The following MUSK variants were observed in gnomAD, a reference collection of about 807,000 sequenced individuals.
MUSK encodes the protein muscle associated receptor tyrosine kinase.
A neutral mutation model predicts 88.7 loss-of-function variants in MUSK; 55 were observed. The ratio of observed to expected loss-of-function variants is 0.62; its 90% CI spans 0.50 to 0.78. The LOEUF (loss-of-function observed/expected upper bound fraction) is 0.78, where lower values mean the gene tolerates loss of function less well. Among genes scored for constraint, MUSK ranks in the 30% least tolerant of loss-of-function variants. The pLI, the probability that MUSK is intolerant of heterozygous loss-of-function variation, is 0.00. For missense variants in MUSK, 1,015 were observed against 1,074.3 expected, an observed-to-expected ratio of 0.94 and a Z score of 0.77; for synonymous variants, 387 against 391.9, an observed-to-expected ratio of 0.99 and a Z score of 0.15.
chr9:110,751,114 A>AG (rs1012599576), intron 7 of MUSK, among the ~76,000 whole-genome samples: 3 of 152,194 alleles, frequency 2.0e-5, no homozygotes, highest in Non-Finnish European at 2.9e-5. Flanking sequence ...ACTCCACACA[A>AG]GGGAAGATTC....
At chr9:110,677,866 G>T (rs904274166) in intron 1 of MUSK, among the ~76,000 whole-genome samples, 3 of 152,190 alleles carry the variant, frequency 2.0e-5, no homozygotes, top group East Asian at 1.9e-4. Context: ...ACTGTGATAG[G>T]TATCTTTTAA....
intron 9 of MUSK, among the ~76,000 whole-genome samples, chr9:110,771,161 C>CTTTTTTTTTTTTT (rs34185224): frequency 2.1e-5 from 2 of 96,434 alleles, no homozygotes; most frequent in African/African-American, 4.1e-5. Flanking sequence ...TCATTTCCTT[C>CTTTTTTTTTTTTT]TTTTTTTTTT....
At chr9:110,730,201 T>C (rs2076945398) in intron 5 of MUSK, among the ~76,000 whole-genome samples, 1 of 129,904 alleles carries the variant, frequency 7.7e-6, no homozygotes, top group Non-Finnish European at 1.7e-5. Flanking sequence ...GAGTTAAATA[T>C]ATTACCTTGG....
chr9:110,739,002 T>C (rs1288390763), intron 6 of MUSK, among the ~76,000 whole-genome samples: 2 of 152,154 alleles, frequency 1.3e-5, no homozygotes, highest in Non-Finnish European at 2.9e-5. Context: ...CCCAATCAGA[T>C]CTTCTATAAA....
chr9:110,784,200 G>C (rs1290125777), intron 11 of MUSK, among the ~76,000 whole-genome samples: 1 of 151,978 alleles, frequency 6.6e-6, no homozygotes, highest in African/African-American at 2.4e-5. Context: ...GATTAATAAG[G>C]TTCTTTTAAT....
chr9:110,770,706 C>A (rs1469353600), intron 9 of MUSK, among the ~76,000 whole-genome samples: 3 of 149,854 alleles, frequency 2.0e-5, no homozygotes, highest in African/African-American at 7.4e-5. Flanking sequence ...TTATGTAGAT[C>A]TTGTATTATG....
intron 7 of MUSK, among the ~76,000 whole-genome samples, chr9:110,756,827 A>G (rs1402308270): frequency 6.6e-6 from 1 of 151,858 alleles, no homozygotes; most frequent in East Asian, 1.9e-4. Flanking sequence ...AATTCCAAGG[A>G]AAAATGTCAA....
intron 5 of MUSK, among the ~76,000 whole-genome samples, chr9:110,700,678 A>G (rs2076490660): frequency 6.6e-6 from 1 of 152,182 alleles, no homozygotes; most frequent in African/African-American, 2.4e-5. Flanking sequence ...CTGAGCTCAG[A>G]GAGAAGAAAA....
intron 1 of MUSK, among the ~76,000 whole-genome samples, chr9:110,675,285 G>A (rs546527575): frequency 1.4e-5 from 2 of 143,650 alleles, no homozygotes; most frequent in South Asian, 2.2e-4. Flanking sequence ...GCAGTGTCGC[G>A]ATCTCAGCTC....
intron 14 of MUSK, among the ~76,000 whole-genome samples, chr9:110,790,345 A>G (rs572036755): frequency 2.0e-5 from 3 of 152,368 alleles, no homozygotes; most frequent in Middle Eastern, 6.8e-3. Context: ...TTGTTTTGCC[A>G]TAAAGGTGAA....
intron 5 of MUSK, among the ~76,000 whole-genome samples, chr9:110,711,652 C>T (rs373217259): frequency 7.1e-4 from 108 of 152,082 alleles, no homozygotes; most frequent in African/African-American, 2.5e-3. Flanking sequence ...TTATAGAGAC[C>T]TCCAGTGGAA....
chr9:110,753,505 C>A (rs1564266869), intron 7 of MUSK, among the ~76,000 whole-genome samples: 1 of 151,670 alleles, frequency 6.6e-6, no homozygotes, highest in African/African-American at 2.4e-5. Context: ...TTGTATTTCC[C>A]ATTCTCAATG....
intron 1 of MUSK, among the ~76,000 whole-genome samples, chr9:110,681,067 AATATT>A (rs1187133948): frequency 1.5e-4 from 2 of 13,090 alleles, no homozygotes; most frequent in East Asian, 1.0e-3. Context: ...TTATATATAT[AATATT>A]ATATATATTA....
chr9:110,775,699 G>A (rs1315043605), intron 9 of MUSK, 89 bp from the exon 10 acceptor site: 1 of 1,226,612 alleles, frequency 8.2e-7, no homozygotes, highest in African/African-American at 1.5e-5. Flanking sequence ...CCATGATGAT[G>A]TCTTGAAAAC....
chr9:110,786,384 C>T (rs1056601040), intron 13 of MUSK, among the ~76,000 whole-genome samples: 1 of 150,956 alleles, frequency 6.6e-6, no homozygotes, highest in Non-Finnish European at 1.5e-5. Context: ...TTGCATAATA[C>T]ACTTCAAATC....
intron 6 of MUSK, among the ~76,000 whole-genome samples, chr9:110,742,235 T>A (rs539408329): frequency 1.3e-5 from 2 of 152,084 alleles, no homozygotes; most frequent in South Asian, 4.2e-4. Context: ...GGTGGGAGGA[T>A]TATGAGGTCA....
chr9:110,779,833 C>G (rs1230203364), intron 11 of MUSK, among the ~76,000 whole-genome samples: 1 of 152,058 alleles, frequency 6.6e-6, no homozygotes, highest in Non-Finnish European at 1.5e-5. Context: ...TTGTACTTTA[C>G]ATGTTTAGTT....
chr9:110,723,087 T>G (rs1587955521), intron 5 of MUSK, among the ~76,000 whole-genome samples: 1 of 152,094 alleles, frequency 6.6e-6, no homozygotes, highest in Admixed American at 6.6e-5. Context: ...ACATGCATGT[T>G]CATAGCAGCA....
At chr9:110,758,783 G>A (rs2077360565) in intron 7 of MUSK, among the ~76,000 whole-genome samples, 1 of 152,154 alleles carries the variant, frequency 6.6e-6, no homozygotes, top group African/African-American at 2.4e-5. Flanking sequence ...CAATCACCAA[G>A]CCAAATCAGA....
Sources: allele counts gnomAD v4.1 joint callset (sites outside exome capture counted in the v4.1 genomes callset), GRCh38; gene constraint gnomAD v4.1.1; transcripts MANE v1.5; gene names NCBI Gene and HGNC (gene_info 2026-07-23, HGNC 2026-07-21).